The following CCDC149 variants were observed in gnomAD, a reference collection of about 807,000 sequenced individuals.
The protein encoded by CCDC149 is coiled-coil domain containing 149.
A neutral mutation model predicts 59.9 loss-of-function variants in CCDC149; 45 were observed. That is an observed-to-expected ratio of 0.75 (90% CI 0.59 to 0.96). The LOEUF (loss-of-function observed/expected upper bound fraction) is 0.96, where lower values mean the gene tolerates loss of function less well. CCDC149 is among the 40% of genes least tolerant of loss of function. CCDC149 has a pLI of 0.00. For synonymous variants in CCDC149, 245 were observed against 260.6 expected, an observed-to-expected ratio of 0.94 and a Z score of 0.58; for missense variants, 584 against 664.7, an observed-to-expected ratio of 0.88 and a Z score of 1.33.
chr4:24,912,886 G>A lies in CCDC149; in HGVS notation c.-7C>T. ...TCATGGCCTCCTCCTCCATGCGCTG[G>A]CCGGCCTCCTGGACCCCCGCCGCCT... On this transcript the variant is annotated 5_prime_UTR_variant, in exon 1 of 13. Coordinates refer to ENST00000635206, the MANE Select transcript of CCDC149 (RefSeq NM_001330643.2). 2 of 1,348,234 alleles carry A rather than the reference G, an allele frequency of 1.5e-6. No homozygotes were observed. Among genetic ancestry groups the A allele is most frequent in the Non-Finnish European group, 1.9e-6 (2 of 1,033,690 alleles). 83.5% of individuals were successfully genotyped at this position (1,348,234 alleles called of 1,614,324 possible).
chr4:24,976,605 C>T (rs559606488), intron 1 of CCDC149, among the ~76,000 whole-genome samples: 2 of 152,212 alleles, frequency 1.3e-5, no homozygotes, highest in Admixed American at 6.5e-5. Context: ...CCCAGCTACT[C>T]AGGAGGCTGA....
At chr4:24,813,913 G>A (rs1365277472) in intron 12 of CCDC149, among the ~76,000 whole-genome samples, 3 of 152,178 alleles carry the variant, frequency 2.0e-5, no homozygotes, top group Non-Finnish European at 2.9e-5. Flanking sequence ...CAGAAGCAGC[G>A]ATGTGATAAC....
At chr4:24,811,731 A>T (rs1351868096) in intron 12 of CCDC149, among the ~76,000 whole-genome samples, 1 of 152,034 alleles carries the variant, frequency 6.6e-6, no homozygotes, top group Non-Finnish European at 1.5e-5. Flanking sequence ...AAATTAGCCA[A>T]GTGTGGTAGC....
intron 4 of CCDC149, among the ~76,000 whole-genome samples, chr4:24,852,769 T>C (rs1717745039): frequency 6.6e-6 from 1 of 152,098 alleles, no homozygotes; most frequent in South Asian, 2.1e-4. Context: ...AGTATAACAT[T>C]TGGGTTTTAT....
At chr4:24,885,466 G>A (rs1720106150) in intron 1 of CCDC149, among the ~76,000 whole-genome samples, 1 of 152,200 alleles carries the variant, frequency 6.6e-6, no homozygotes, top group Non-Finnish European at 1.5e-5. Context: ...AACGCAGTCT[G>A]TGATCACGGT....
At chr4:24,903,946 G>T (rs544570468) in intron 1 of CCDC149, among the ~76,000 whole-genome samples, 1 of 152,022 alleles carries the variant, frequency 6.6e-6, no homozygotes. Context: ...GATTACAGGC[G>T]TGTGCCTCTA....
Position 24,893,613 on chromosome 4 carries a change from C to CTTTT in CCDC149, c.64-16920_64-16917dup, listed in dbSNP as rs3066508. On this transcript the variant is annotated intron_variant, in intron 1 of 12. Transcript: ENST00000635206. ...CTTCTAGCACAATCTAAAATACAGA[C>CTTTT]TTTTTTTTTTTTTTTTTTTTTGAGA... Among the ~76,000 whole-genome samples, 88 of 65,872 alleles carry CTTTT rather than the reference C, an allele frequency of 1.3e-3. 19 individuals carry two copies. The highest frequency in any genetic ancestry group is 2.4e-3 in the East Asian group (4 of 1,700). The allele number at this position is 65,872 out of a possible 152,430, so 43.2% of individuals were successfully genotyped here.
chr4:24,933,419 G>A (rs1237388320), intron 1 of CCDC149, among the ~76,000 whole-genome samples: 2 of 152,158 alleles, frequency 1.3e-5, no homozygotes, highest in Non-Finnish European at 2.9e-5. Context: ...AACTGATAGA[G>A]AACTTTGATT....
chr4:24,957,932 A>G lies in CCDC149; in HGVS notation c.-65+22137T>C, dbSNP rs143170949. Among the ~76,000 whole-genome samples, 135 of 152,340 alleles carry G rather than the reference A, an allele frequency of 8.9e-4. 1 individual carries two copies. The East Asian group carries it at 0.02, about 23-fold the overall frequency. Reference sequence around the variant, plus strand: ...ACTCCTGAGAGTAGACATCAAGTATAGTATCTTCATATAGTACACCCAAGT... The same window carrying G: ...ACTCCTGAGAGTAGACATCAAGTATGGTATCTTCATATAGTACACCCAAGT... On this transcript the variant is annotated intron_variant, in intron 1 of 12. Coordinates refer to the CCDC149 transcript ENST00000389609.
chr4:24,901,512 G>A (rs960772647), intron 1 of CCDC149, among the ~76,000 whole-genome samples: 1 of 152,050 alleles, frequency 6.6e-6, no homozygotes, highest in Non-Finnish European at 1.5e-5. Flanking sequence ...GCACATATGC[G>A]AATTTCCCCG....
At chr4:24,824,437 C>T (rs1715597150) in intron 9 of CCDC149, among the ~76,000 whole-genome samples, 1 of 152,196 alleles carries the variant, frequency 6.6e-6, no homozygotes, top group Non-Finnish European at 1.5e-5. Context: ...AAACAGTCAA[C>T]TAATCTTTCC....
chr4:24,866,412 A>T (rs1718694564), intron 3 of CCDC149, among the ~76,000 whole-genome samples: 1 of 152,214 alleles, frequency 6.6e-6, no homozygotes, highest in Non-Finnish European at 1.5e-5. Flanking sequence ...ATCCCATCTT[A>T]TAAGAAAATT....
chr4:24,820,216 A>AT, intron 11 of CCDC149: 2 of 433,782 alleles, frequency 4.6e-6, no homozygotes, highest in Admixed American at 4.0e-5. Flanking sequence ...ATTATAGGCC[A>AT]TTTTTTTCTT....
chr4:24,973,068 G>C (rs1724028965), intron 1 of CCDC149, among the ~76,000 whole-genome samples: 1 of 152,120 alleles, frequency 6.6e-6, no homozygotes, highest in Non-Finnish European at 1.5e-5. Flanking sequence ...CAGGTCTTTA[G>C]ATAATAACTT....
chr4:24,891,210 A>C (rs1720510441), intron 1 of CCDC149, among the ~76,000 whole-genome samples: 1 of 152,236 alleles, frequency 6.6e-6, no homozygotes, highest in African/African-American at 2.4e-5. Flanking sequence ...CCCAGCAAAA[A>C]GTCAGGCGGA....
At chr4:24,902,885 A>G (rs1721249263) in intron 1 of CCDC149, among the ~76,000 whole-genome samples, 1 of 151,762 alleles carries the variant, frequency 6.6e-6, no homozygotes, top group Non-Finnish European at 1.5e-5. Context: ...TTAGCCAGGA[A>G]ATGGTGGCTC....
intron 3 of CCDC149, among the ~76,000 whole-genome samples, chr4:24,863,144 T>C (rs2109212259): frequency 6.6e-6 from 1 of 152,114 alleles, no homozygotes; most frequent in African/African-American, 2.4e-5. Flanking sequence ...AATATAAAAA[T>C]TAGCCGGGCG....
At chr4:24,961,832 T>C (rs1308051454) in intron 1 of CCDC149, among the ~76,000 whole-genome samples, 2 of 152,134 alleles carry the variant, frequency 1.3e-5, no homozygotes, top group African/African-American at 2.4e-5. Flanking sequence ...AAGACTTAAA[T>C]GTTAGACCTA....
intron 1 of CCDC149, among the ~76,000 whole-genome samples, chr4:24,935,856 T>A (rs927055655): frequency 3.3e-5 from 5 of 152,188 alleles, no homozygotes; most frequent in African/African-American, 1.2e-4. Context: ...TATATATAGC[T>A]GGTATTTAAA....
Sources: allele counts gnomAD v4.1 joint callset (sites outside exome capture counted in the v4.1 genomes callset), GRCh38; gene constraint gnomAD v4.1.1; transcripts MANE v1.5; gene names NCBI Gene and HGNC (gene_info 2026-07-23, HGNC 2026-07-21).